Variants in SLC8A1 observed in about 807,000 individuals in gnomAD.
SLC8A1 encodes the protein solute carrier family 8 member A1.
SLC8A1 carries 18 observed loss-of-function variants against 68.3 expected under a neutral mutation model. The observed-to-expected ratio is 0.26, with a 90% CI of 0.18 to 0.39. The LOEUF (loss-of-function observed/expected upper bound fraction) is 0.39, where lower values mean the gene tolerates loss of function less well. Ranked by LOEUF, SLC8A1 falls within the 10% of genes least tolerant of loss-of-function variation. SLC8A1 has a pLI of 1.00. For missense variants in SLC8A1, 985 were observed against 1,156.7 expected, an observed-to-expected ratio of 0.85 and a Z score of 2.15; for synonymous variants, 475 against 415.5, an observed-to-expected ratio of 1.14 and a Z score of -1.74.
intron 2 of SLC8A1, among the ~76,000 whole-genome samples, chr2:40,225,378 C>T (rs2058842999): frequency 6.6e-6 from 1 of 152,128 alleles, no homozygotes; most frequent in South Asian, 2.1e-4. Flanking sequence ...GTATTTGGCA[C>T]ACAGTGGGTA....
At chr2:40,323,945 G>T (rs1417273504) in intron 2 of SLC8A1, among the ~76,000 whole-genome samples, 2 of 151,430 alleles carry the variant, frequency 1.3e-5, no homozygotes, top group Non-Finnish European at 2.9e-5. Flanking sequence ...ACAAAATTTT[G>T]CTTATTTCCG....
At chr2:40,399,336 C>CT (rs1297841163) in intron 2 of SLC8A1, among the ~76,000 whole-genome samples, 1 of 152,050 alleles carries the variant, frequency 6.6e-6, no homozygotes, top group African/African-American at 2.4e-5. Context: ...CTCGTCTCCC[C>CT]TTTTTCACAT....
At chr2:40,323,798 G>A (rs2075491922) in intron 2 of SLC8A1, among the ~76,000 whole-genome samples, 1 of 151,894 alleles carries the variant, frequency 6.6e-6, no homozygotes. Context: ...AATGTTTAAG[G>A]GATATGAAGT....
At chr2:40,113,467 C>T (rs2034829332) in exon 8 of SLC8A1, 1 of 152,712 alleles carries the variant, frequency 6.5e-6, no homozygotes, top group Non-Finnish European at 1.5e-5. Flanking sequence ...ATATCCCAGT[C>T]CAATCCTCCT....
intron 2 of SLC8A1, among the ~76,000 whole-genome samples, chr2:40,327,793 T>A (rs1575438498): frequency 6.6e-6 from 1 of 152,166 alleles, no homozygotes; most frequent in African/African-American, 2.4e-5. Context: ...AACTACCTAT[T>A]GGATACTATG....
In SLC8A1 at chr2:40,304,654, G is replaced by A. The variant is rs949604604; in HGVS notation, c.1808+123819C>T. Among the ~76,000 whole-genome samples the A allele has an allele frequency of 5.3e-5, 8 of 151,998 alleles. No homozygotes were observed. In the East Asian group the frequency reaches 1.2e-3, roughly 22 times the overall value. The stretch of plus-strand genomic sequence containing the variant: ...AACATGAACTGCCTAGAGTCTCGTC[G>A]TGCCCCTTTTCTTGACCCAGCCACT... On this transcript the variant is annotated intron_variant, in intron 2 of 7. Transcript: ENST00000406785.
Position 40,252,033 on chromosome 2 carries a change from A to G in SLC8A1, c.1809-74178T>C, listed in dbSNP as rs890919234. The stretch of plus-strand genomic sequence containing the variant: ...AACCATATATGCAATATGATTACAA[A>G]TCTGCTAAATTGTTGAGCAAACAAT... On this transcript the variant is annotated intron_variant, in intron 2 of 7. Transcript: ENST00000406785. Among the ~76,000 whole-genome samples, 26 of 152,316 alleles carry G rather than the reference A, an allele frequency of 1.7e-4. 1 individual carries two copies. The highest frequency in any genetic ancestry group is 5.8e-4 in the East Asian group (3 of 5,186).
chr2:40,292,326 A>G (rs2149236444), intron 2 of SLC8A1, among the ~76,000 whole-genome samples: 1 of 152,290 alleles, frequency 6.6e-6, no homozygotes, highest in African/African-American at 2.4e-5. Context: ...CCTGTCTCTC[A>G]TGATTTCCCC....
intron 1 of SLC8A1, among the ~76,000 whole-genome samples, chr2:40,482,965 T>TTTTTTC (rs1292427557): frequency 6.7e-6 from 1 of 150,230 alleles, no homozygotes; most frequent in African/African-American, 2.4e-5. Context: ...TTTTTTTTTT[T>TTTTTTC]TTTTTCTTTT....
exon 8 of SLC8A1, chr2:40,107,068 T>C (rs2034241479): frequency 6.6e-6 from 1 of 152,072 alleles, no homozygotes. Flanking sequence ...TAAGAACATC[T>C]AAGCTAAAAT....
intron 7 of SLC8A1, among the ~76,000 whole-genome samples, chr2:40,131,119 T>C (rs1051923982): frequency 2.0e-5 from 3 of 152,214 alleles, no homozygotes; most frequent in African/African-American, 7.2e-5. Flanking sequence ...TAATCCTCAC[T>C]ACAACTCTGT....
At chr2:40,247,159 C>A (rs892672906) in intron 2 of SLC8A1, among the ~76,000 whole-genome samples, 4 of 152,070 alleles carry the variant, frequency 2.6e-5, no homozygotes, top group Non-Finnish European at 5.9e-5. Context: ...CAACTCTTAG[C>A]CATCTGAAGG....
intron 1 of SLC8A1, among the ~76,000 whole-genome samples, chr2:40,434,798 C>T (rs1426187351): frequency 6.6e-6 from 1 of 152,040 alleles, no homozygotes; most frequent in Non-Finnish European, 1.5e-5. Flanking sequence ...GATTACAGAC[C>T]CAAATGACAC....
chr2:40,214,368 C>T (rs557735584), intron 2 of SLC8A1, among the ~76,000 whole-genome samples: 3 of 152,114 alleles, frequency 2.0e-5, no homozygotes, highest in Admixed American at 6.5e-5. Flanking sequence ...AATATATCTG[C>T]TGTCTTTTAT....
At chr2:40,434,926 T>C (rs1423483746) in intron 1 of SLC8A1, among the ~76,000 whole-genome samples, 1 of 152,078 alleles carries the variant, frequency 6.6e-6, no homozygotes, top group Non-Finnish European at 1.5e-5. Flanking sequence ...ATCCAACTGC[T>C]TTGTAAAGGA....
intron 2 of SLC8A1, among the ~76,000 whole-genome samples, chr2:40,265,342 T>C (rs2065230677): frequency 6.6e-6 from 1 of 152,200 alleles, no homozygotes; most frequent in African/African-American, 2.4e-5. Flanking sequence ...TTAAGGCCAA[T>C]GCTTTTGTAC....
At chr2:40,238,978 T>C (rs2060832958) in intron 2 of SLC8A1, among the ~76,000 whole-genome samples, 1 of 152,004 alleles carries the variant, frequency 6.6e-6, no homozygotes, top group African/African-American at 2.4e-5. Flanking sequence ...TGGAAACAGT[T>C]CCAAAACATA....
chr2:40,373,597 C>T (rs764658977), intron 2 of SLC8A1, among the ~76,000 whole-genome samples: 1 of 152,054 alleles, frequency 6.6e-6, no homozygotes, highest in Non-Finnish European at 1.5e-5. Flanking sequence ...GCCTGCCGAA[C>T]AATCCAGTGG....
chr2:40,270,118 G>C lies in SLC8A1; in HGVS notation c.1809-92263C>G, dbSNP rs114715510. On this transcript the variant is annotated intron_variant, in intron 2 of 7. Coordinates refer to ENST00000406785, the Ensembl canonical transcript of SLC8A1. Reference sequence around the variant, plus strand: ...TATGCTATCCCTGAGGCATAAGGAAGGGCATAAAGCCCCAGAATGACTACC... The same window carrying C: ...TATGCTATCCCTGAGGCATAAGGAACGGCATAAAGCCCCAGAATGACTACC... Among the ~76,000 whole-genome samples, 1,364 of 152,274 alleles carry C rather than the reference G, an allele frequency of 9.0e-3. 20 individuals are homozygous for C. Among genetic ancestry groups the C allele is most frequent in the African/African-American group, 0.031 (1,302 of 41,548 alleles).
Sources: allele counts gnomAD v4.1 joint callset (sites outside exome capture counted in the v4.1 genomes callset), GRCh38; gene constraint gnomAD v4.1.1; transcripts MANE v1.5; gene names NCBI Gene and HGNC (gene_info 2026-07-23, HGNC 2026-07-21).